Variants in BACH2 observed in about 807,000 individuals in gnomAD.
The protein encoded by BACH2 is transcription regulator protein BACH2.
In BACH2, 5 loss-of-function variants were observed where a neutral mutation model predicts 61.8. That is an observed-to-expected ratio of 0.08 (90% CI 0.04 to 0.17). The LOEUF (loss-of-function observed/expected upper bound fraction) is 0.17. BACH2 is among the 10% of genes least tolerant of loss of function. The pLI is 1.00. For missense variants in BACH2, 824 were observed against 1,091.1 expected, an observed-to-expected ratio of 0.76 and a Z score of 3.45; for synonymous variants, 446 against 440.1, an observed-to-expected ratio of 1.01 and a Z score of -0.17.
chr6:90,071,340 T>C (rs1333523424), intron 5 of BACH2, among the ~76,000 whole-genome samples: 3 of 152,174 alleles, frequency 2.0e-5, no homozygotes, highest in Non-Finnish European at 4.4e-5. Context: ...CAGTACAGCA[T>C]AATAAGTTCT....
At chr6:90,173,736 G>C (rs1329734453) in intron 4 of BACH2, among the ~76,000 whole-genome samples, 1 of 152,102 alleles carries the variant, frequency 6.6e-6, no homozygotes, top group African/African-American at 2.4e-5. Context: ...AATATCTATA[G>C]CTTTATTGTG....
intron 6 of BACH2, chr6:90,001,256 A>G (rs1193108388): frequency 6.6e-6 from 1 of 152,292 alleles, no homozygotes; most frequent in African/African-American, 2.4e-5. Context: ...GTGCTAACAG[A>G]TAAAACACCA....
At chr6:90,267,755 T>C (rs144615762) in intron 2 of BACH2, among the ~76,000 whole-genome samples, 209 of 152,202 alleles carry the variant, frequency 1.4e-3, no homozygotes, top group Non-Finnish European at 1.8e-3. Flanking sequence ...TGTAACAAAA[T>C]ATTAAAGAAA....
chr6:90,218,188 C>T (rs1396106391), intron 3 of BACH2: 1 of 152,148 alleles, frequency 6.6e-6, no homozygotes, highest in Non-Finnish European at 1.5e-5. Flanking sequence ...TAAACCAGCC[C>T]CTTGGTAGTT....
At chr6:90,105,776 G>A (rs931375793) in intron 4 of BACH2, among the ~76,000 whole-genome samples, 1 of 152,172 alleles carries the variant, frequency 6.6e-6, no homozygotes, top group Admixed American at 6.5e-5. Context: ...GAAAAGTGAA[G>A]GATGGGGCCA....
At chr6:89,986,020 T>C (rs1282673262) in intron 6 of BACH2, among the ~76,000 whole-genome samples, 1 of 152,218 alleles carries the variant, frequency 6.6e-6, no homozygotes, top group Non-Finnish European at 1.5e-5. Context: ...ATAGCCGGAC[T>C]TGTAAGGCTT....
chr6:90,280,832 T>C (rs1353377503), intron 1 of BACH2, among the ~76,000 whole-genome samples: 1 of 152,048 alleles, frequency 6.6e-6, no homozygotes, highest in Non-Finnish European at 1.5e-5. Context: ...AGGGTAGACA[T>C]TACAGGGAGG....
At chr6:89,966,955 C>T (rs974602456) in intron 6 of BACH2, among the ~76,000 whole-genome samples, 1 of 152,196 alleles carries the variant, frequency 6.6e-6, no homozygotes, top group African/African-American at 2.4e-5. Flanking sequence ...CCTTCCTTGG[C>T]TTTCCAAAGT....
chr6:90,142,529 C>T (rs1413186829), intron 4 of BACH2, among the ~76,000 whole-genome samples: 1 of 152,044 alleles, frequency 6.6e-6, no homozygotes, highest in Admixed American at 6.6e-5. Flanking sequence ...ACTATTTGCC[C>T]AAACAGTACT....
intron 4 of BACH2, among the ~76,000 whole-genome samples, chr6:90,176,036 T>C (rs912122037): frequency 3.0e-4 from 45 of 152,312 alleles, no homozygotes; most frequent in African/African-American, 1.1e-3. Context: ...GCCCAAGCTC[T>C]CCCCTGGCTC....
chr6:90,039,041 CAAA>C (rs779828857), intron 5 of BACH2, among the ~76,000 whole-genome samples: 4 of 101,886 alleles, frequency 3.9e-5, no homozygotes, highest in Admixed American at 1.0e-4. Context: ...ACTCCGTCTC[CAAA>C]AAAAAAAAAA....
At chr6:89,934,943 AAG>A (rs1416048089) in intron 8 of BACH2, among the ~76,000 whole-genome samples, 1 of 152,192 alleles carries the variant, frequency 6.6e-6, no homozygotes, top group African/African-American at 2.4e-5. Context: ...GTGTGTCGGA[AAG>A]AGAGATTTAC....
chr6:90,187,684 C>A (rs1351509844), intron 4 of BACH2, among the ~76,000 whole-genome samples: 1 of 152,186 alleles, frequency 6.6e-6, no homozygotes, highest in African/African-American at 2.4e-5. Context: ...AATCTGAGAA[C>A]CAGAATTTCC....
At position 89,950,679 on chromosome 6, in the gene BACH2, C is replaced by T; in HGVS notation, c.1427G>A (p.Ser476Asn). Reference sequence around the variant, plus strand: ...CCCACCGTGGGAGTAGGCCTGCGAGCTGGGGAGGGACTGGCCGGCTCCCAC... The same window carrying T: ...CCCACCGTGGGAGTAGGCCTGCGAGTTGGGGAGGGACTGGCCGGCTCCCAC... ...LWVGAGQSLP[S>N]SQAYSHGGLM... The change falls in exon 7 of 9, where the codon AGC becomes AAC. Residue 476 changes from serine (S) to asparagine (N), a missense_variant. Physicochemically the swap from Ser to Asn is conservative, Grantham distance 46 (BLOSUM62 1). Around this residue, in one of 8 missense-constraint regions of BACH2, gnomAD observed 102 missense variants for 98.1 expected, o/e 1.04. Coordinates refer to ENST00000257749, the MANE Select transcript of BACH2 (RefSeq NM_021813.4). The surrounding 1 kb of genome is among the most constrained non-coding windows in gnomAD (Gnocchi z 5.3). 3 of 1,614,138 alleles carry T rather than the reference C, an allele frequency of 1.9e-6. No individual in the cohort carries two copies. The highest frequency in any genetic ancestry group is 4.5e-5 in the East Asian group (2 of 44,866).
intron 6 of BACH2, among the ~76,000 whole-genome samples, chr6:89,991,466 C>T (rs917935134): frequency 2.6e-5 from 4 of 152,056 alleles, no homozygotes; most frequent in African/African-American, 7.2e-5. Flanking sequence ...TTCACGTAAG[C>T]GTGCACGCGC....
intron 4 of BACH2, among the ~76,000 whole-genome samples, chr6:90,118,655 G>T (rs995394237): frequency 6.6e-6 from 1 of 152,200 alleles, no homozygotes; most frequent in Admixed American, 6.5e-5. Flanking sequence ...GAATGAAAAT[G>T]CCTTAGTCAT....
chr6:90,078,138 AAT>A (rs2127803830), intron 5 of BACH2, among the ~76,000 whole-genome samples: 1 of 152,320 alleles, frequency 6.6e-6, no homozygotes, highest in African/African-American at 2.4e-5. Flanking sequence ...TAACAGATGC[AAT>A]ATTTTCTGTG....
At chr6:90,190,493 G>A (rs1768532065) in intron 4 of BACH2, among the ~76,000 whole-genome samples, 1 of 152,190 alleles carries the variant, frequency 6.6e-6, no homozygotes, top group Non-Finnish European at 1.5e-5. Flanking sequence ...GAACAGAAAA[G>A]CAGTTGTCTA....
At chr6:90,220,473 G>A (rs1023167947) in intron 3 of BACH2, among the ~76,000 whole-genome samples, 1 of 152,176 alleles carries the variant, frequency 6.6e-6, no homozygotes, top group African/African-American at 2.4e-5. Flanking sequence ...ATTTGTCAGG[G>A]GAGGACTGTT....
Sources: allele counts gnomAD v4.1 joint callset (sites outside exome capture counted in the v4.1 genomes callset), GRCh38; gene constraint gnomAD v4.1.1; regional missense constraint gnomAD v4.1.1; non-coding constraint Gnocchi (gnomAD v3.1); transcripts MANE v1.5; gene names NCBI Gene and HGNC (gene_info 2026-07-23, HGNC 2026-07-21).